The following PCDHGA4 variants were observed in gnomAD, a reference collection of about 807,000 sequenced individuals.
PCDHGA4 encodes the protein protocadherin gamma-A4.
Under a neutral mutation model 54.6 loss-of-function variants are expected in PCDHGA4, and 38 were observed. The ratio of observed to expected loss-of-function variants is 0.70; its 90% confidence interval spans 0.54 to 0.91. PCDHGA4 has a LOEUF of 0.91. Ranked by LOEUF, PCDHGA4 falls within the 40% of genes least tolerant of loss-of-function variation. The pLI, the probability that PCDHGA4 is intolerant of heterozygous loss-of-function variation, is 0.00. For synonymous variants in PCDHGA4, 511 were observed against 512.9 expected (o/e 1.00, Z 0.05); for missense variants, 1,298 against 1,220.9 (o/e 1.06, Z -0.94).
intron 1 of PCDHGA4, chr5:141,414,233 T>C: frequency 1.2e-6 from 2 of 1,613,474 alleles, no homozygotes; most frequent in African/African-American, 2.7e-5. Context: ...GAGCTGACCA[T>C]CACGTCTCTA....
At chr5:141,510,304 A>G (rs1030803209) in intron 3 of PCDHGA4, among the ~76,000 whole-genome samples, 1 of 151,732 alleles carries the variant, frequency 6.6e-6, no homozygotes, top group Non-Finnish European at 1.5e-5. Context: ...CTGTTTTGAA[A>G]TGGAGGCTTG....
intron 1 of PCDHGA4, among the ~76,000 whole-genome samples, chr5:141,494,030 A>G (rs1165393646): frequency 6.6e-6 from 1 of 151,978 alleles, no homozygotes; most frequent in Non-Finnish European, 1.5e-5. Context: ...AGCCCTGGAG[A>G]CTTAGTTGGC....
intron 1 of PCDHGA4, chr5:141,361,752 G>A (rs1860253): frequency 6.2e-7 from 1 of 1,613,012 alleles, no homozygotes; most frequent in East Asian, 2.2e-5. Flanking sequence ...ACCAGGGCTC[G>A]CCCGCGCTCA....
chr5:141,385,483 A>T (rs981503954), intron 1 of PCDHGA4: 8 of 1,423,220 alleles, frequency 5.6e-6, no homozygotes, highest in Non-Finnish European at 7.3e-6. Context: ...TTAATATAGA[A>T]CACATAGGAT....
At position 141,395,150 on chromosome 5, in the gene PCDHGA4, C is replaced by T. The variant is rs368875505; in HGVS notation, c.2514+37529C>T. ...CCCAGCCCAACTACGCAGACATGCT[C>T]ATCAGTCAGGAGGGCTGTGAGAAAA... On this transcript the variant is annotated intron_variant, in intron 1 of 3. Transcript: ENST00000571252. 8 of 1,614,044 alleles carry T rather than the reference C, an allele frequency of 5.0e-6. No individual in the cohort carries two copies. In the African/African-American group the frequency reaches 6.7e-5, roughly 13 times the overall value.
At chr5:141,457,469 AG>A (rs1170841505) in intron 1 of PCDHGA4, among the ~76,000 whole-genome samples, 1 of 152,226 alleles carries the variant, frequency 6.6e-6, no homozygotes, top group Non-Finnish European at 1.5e-5. Context: ...CACAGGAATA[AG>A]CAGGGCCAGG....
chr5:141,386,595 AT>A (rs373179212), intron 1 of PCDHGA4, among the ~76,000 whole-genome samples: 3,552 of 145,572 alleles, frequency 0.024, 119 homozygotes, highest in African/African-American at 0.079. Flanking sequence ...TGGGGGATAC[AT>A]TTTTTTTTTT....
intron 1 of PCDHGA4, among the ~76,000 whole-genome samples, chr5:141,443,577 G>A (rs567410923): frequency 1.3e-5 from 2 of 152,284 alleles, no homozygotes; most frequent in South Asian, 4.1e-4. Context: ...ATGGACTTGA[G>A]CTAAAACAGA....
chr5:141,375,028 T>C, intron 1 of PCDHGA4: 1 of 1,614,042 alleles, frequency 6.2e-7, no homozygotes, highest in Non-Finnish European at 8.5e-7. Flanking sequence ...CGAGTTTTTA[T>C]GAGCTGGGTG....
intron 1 of PCDHGA4, chr5:141,371,718 A>T (rs1191526865): frequency 6.2e-7 from 1 of 1,613,946 alleles, no homozygotes; most frequent in Non-Finnish European, 8.5e-7. Flanking sequence ...CACTCTGCAC[A>T]TCCTTGATGT....
chr5:141,452,459 C>T (rs545368648), intron 1 of PCDHGA4, among the ~76,000 whole-genome samples: 38 of 152,246 alleles, frequency 2.5e-4, no homozygotes, highest in Middle Eastern at 6.8e-3. Context: ...TGTCAGCAGA[C>T]GGAGCTAGGA....
At chr5:141,392,825 A>T in intron 1 of PCDHGA4, 1 of 1,601,466 alleles carries the variant, frequency 6.2e-7, no homozygotes. Context: ...TGGCCGCTCC[A>T]CAGAGTCGCC....
chr5:141,433,849 A>C (rs116534867), intron 1 of PCDHGA4, among the ~76,000 whole-genome samples: 2,948 of 152,020 alleles, frequency 0.019, 43 homozygotes, highest in African/African-American at 0.028. Context: ...AAAAAAAAAA[A>C]AAAAAACTTT....
intron 1 of PCDHGA4, chr5:141,410,023 C>A: frequency 6.2e-7 from 1 of 1,613,310 alleles, no homozygotes; most frequent in South Asian, 1.1e-5. Context: ...TGTCCTACCA[C>A]GTGCTGCAGG....
chr5:141,367,135 G>T (rs1283969236), intron 1 of PCDHGA4: 6 of 204,902 alleles, frequency 2.9e-5, no homozygotes, highest in Non-Finnish European at 4.9e-5. Context: ...GTTTTGGAAA[G>T]GATAATGTAT....
At chr5:141,384,030 A>G (rs1246971074) in intron 1 of PCDHGA4, 2 of 1,613,466 alleles carry the variant, frequency 1.2e-6, no homozygotes, top group Non-Finnish European at 1.7e-6. Flanking sequence ...GAGATTCTGG[A>G]AAGAATGGTG....
chr5:141,403,992 T>G, intron 1 of PCDHGA4: 2 of 1,613,848 alleles, frequency 1.2e-6, no homozygotes, highest in South Asian at 2.2e-5. Flanking sequence ...AGACCTGAAG[T>G]GACCATTACA....
Position 141,415,740 on chromosome 5 carries a change from G to T in PCDHGA4, c.2514+58119G>T, listed in dbSNP as rs866795513. 9.4e-4 allele frequency: 585 copies of T among 624,884 alleles called. 4 individuals carry two copies. The highest frequency in any genetic ancestry group is 8.0e-3 in the African/African-American group (318 of 39,862). 38.7% of individuals were successfully genotyped at this position (624,884 alleles called of 1,614,324 possible). A position where few individuals can be genotyped will look rare whatever the true frequency, so the allele number is the denominator to read the frequency against. The stretch of plus-strand genomic sequence containing the variant: ...TGAGTAGAATTTGATGTTTATTAAG[G>T]TTTTTTTTTTTTTTTTTTTTTTTTT... On this transcript the variant is annotated intron_variant, in intron 1 of 3. Coordinates refer to ENST00000571252, the MANE Select transcript of PCDHGA4 (RefSeq NM_018917.4).
chr5:141,431,228 G>C lies in PCDHGA4; in HGVS notation c.2515-63579G>C, dbSNP rs772199359. The stretch of plus-strand genomic sequence containing the variant: ...TGAGATGCGGTTCCCTCTACCCCAC[G>C]CCTGGGATCCGGATATCGGGAAGAA... On this transcript the variant is annotated intron_variant, in intron 1 of 3. Coordinates refer to ENST00000571252, the MANE Select transcript of PCDHGA4 (RefSeq NM_018917.4). The surrounding 1 kb of genome is among the most constrained non-coding windows in gnomAD (Gnocchi z 4.8). The C allele has an allele frequency of 1.9e-6, 3 of 1,614,000 alleles. No individual in the cohort carries two copies. The African/African-American group carries it at 4.0e-5, about 22-fold the overall frequency.
Sources: allele counts gnomAD v4.1 joint callset (sites outside exome capture counted in the v4.1 genomes callset), GRCh38; gene constraint gnomAD v4.1.1; non-coding constraint Gnocchi (gnomAD v3.1); transcripts MANE v1.5; gene names NCBI Gene and HGNC (gene_info 2026-07-23, HGNC 2026-07-21).